Variants in PID1 observed in about 807,000 individuals in gnomAD.
PID1 encodes the protein PTB-containing, cubilin and LRP1-interacting protein.
PID1 carries 10 observed loss-of-function variants against 19.1 expected under a neutral mutation model. The ratio of observed to expected loss-of-function variants is 0.52; its 90% CI spans 0.32 to 0.89. The LOEUF (loss-of-function observed/expected upper bound fraction) is 0.89. PID1 is among the 40% of genes least tolerant of loss of function. PID1 has a pLI of 0.03. For synonymous variants in PID1, 130 were observed against 116.0 expected (o/e 1.12, Z -0.78); for missense variants, 248 against 285.3 (o/e 0.87, Z 0.94).
chr2:229,199,920 CAT>C (rs1559281917), intron 1 of PID1, among the ~76,000 whole-genome samples: 1 of 151,822 alleles, frequency 6.6e-6, no homozygotes, highest in East Asian at 1.9e-4. Flanking sequence ...AAAGTTTCTA[CAT>C]ATATGTGTGT....
intron 1 of PID1, chr2:229,263,041 G>A: frequency 2.7e-6 from 2 of 737,626 alleles, no homozygotes; most frequent in East Asian, 3.5e-5. Flanking sequence ...ATCTTTTAGG[G>A]GAACACAATT....
intron 2 of PID1, among the ~76,000 whole-genome samples, chr2:229,130,638 C>A (rs1246049982): frequency 2.6e-5 from 4 of 152,052 alleles, no homozygotes; most frequent in Non-Finnish European, 5.9e-5. Flanking sequence ...AGTTCTCAAT[C>A]CATGTCTGTT....
rs1574563057 is a variant in PID1 at position 229,025,468 on chromosome 2, A to C, written c.*164T>G. 1.1e-5 allele frequency: 7 copies of C among 632,186 alleles called. No individual in the cohort carries two copies. The East Asian group carries it at 1.8e-4, about 16-fold the overall frequency. 39.2% of individuals were successfully genotyped at this position (632,186 alleles called of 1,614,324 possible). Reference sequence around the variant, plus strand: ...GGTTTCAATGTAACGTAATTACTTTAATGATACATTTCTTTAGATTTAGAA... The same window carrying C: ...GGTTTCAATGTAACGTAATTACTTTCATGATACATTTCTTTAGATTTAGAA... On this transcript the variant is annotated 3_prime_UTR_variant, in exon 3 of 3. Transcript: ENST00000392055.
rs1693360578 is a variant in PID1 at position 229,024,190 on chromosome 2, G to A, written c.*1442C>T. The A allele has an allele frequency of 6.6e-6, 1 of 152,572 alleles. No homozygotes were observed. The highest frequency in any genetic ancestry group is 2.1e-4 in the South Asian group (1 of 4,826). The allele number at this position is 152,572 out of a possible 1,614,324, so 9.5% of individuals were successfully genotyped here. On this transcript the variant is annotated 3_prime_UTR_variant, in exon 3 of 3. Coordinates refer to ENST00000392055, the MANE Select transcript of PID1 (RefSeq NM_001100818.2). Reference sequence around the variant, plus strand: ...ACACAAACGCAGATACGGACACACAGATATGCAGACCGAAATGCTGACACC... The same window carrying A: ...ACACAAACGCAGATACGGACACACAAATATGCAGACCGAAATGCTGACACC...
At position 229,238,752 on chromosome 2, in the gene PID1, A is replaced by G. The variant is rs777202216; in HGVS notation, c.30+32262T>C. On this transcript the variant is annotated intron_variant, in intron 1 of 2. Coordinates refer to ENST00000392055, the MANE Select transcript of PID1 (RefSeq NM_001100818.2). ...GCAGGGATAAGAGGAGACAGGCATT[A>G]CCAGGCATCTCAGAGAGCATTACCA... Among the ~76,000 whole-genome samples the G allele has an allele frequency of 1.0e-3, 154 of 152,104 alleles. 3 individuals are homozygous for G. Among genetic ancestry groups the G allele is most frequent in the Non-Finnish European group, 2.9e-4 (20 of 68,008 alleles).
intron 1 of PID1, among the ~76,000 whole-genome samples, chr2:229,239,978 TC>T (rs1429580363): frequency 1.3e-5 from 2 of 152,182 alleles, no homozygotes; most frequent in African/African-American, 4.8e-5. Context: ...AGTTCTATTT[TC>T]ATCTATATCT....
chr2:229,189,340 G>T (rs1446248197), intron 1 of PID1, among the ~76,000 whole-genome samples: 3 of 152,194 alleles, frequency 2.0e-5, no homozygotes, highest in African/African-American at 7.2e-5. Context: ...AAGTGGCAGA[G>T]AAACACTGTG....
At chr2:229,146,605 G>A (rs1345280) in intron 2 of PID1, among the ~76,000 whole-genome samples, 11,675 of 152,004 alleles carry the variant, frequency 0.077, 574 homozygotes, top group South Asian at 0.22. Flanking sequence ...ACCATCTGTA[G>A]TAGGGTGAAT....
intron 2 of PID1, among the ~76,000 whole-genome samples, chr2:229,045,654 T>C (rs1412350703): frequency 2.0e-5 from 3 of 152,260 alleles, no homozygotes; most frequent in Non-Finnish European, 4.4e-5. Flanking sequence ...GCATGGGCTA[T>C]ACAACAAAAC....
intron 2 of PID1, among the ~76,000 whole-genome samples, chr2:229,102,648 G>A (rs1695096700): frequency 6.6e-6 from 1 of 152,196 alleles, no homozygotes; most frequent in Non-Finnish European, 1.5e-5. Context: ...ATCACAGAGT[G>A]AGGGCTCATT....
chr2:229,091,840 C>T (rs987105229), intron 2 of PID1, among the ~76,000 whole-genome samples: 5 of 152,162 alleles, frequency 3.3e-5, no homozygotes, highest in African/African-American at 9.7e-5. Context: ...ACCCTTTGGC[C>T]AGAATATCTT....
Position 229,155,817 on chromosome 2 carries a change from C to T in PID1, c.177+1G>A. ...ACCCCTGCTGGCCACGTGCCCCATA[C>T]CTTGCAGCCACTGTGAGTCCTTGTC... On this transcript the variant is annotated splice_donor_variant, in intron 2 of 2. Transcript: ENST00000392055. LOFTEE classifies it high-confidence loss of function. The T allele has an allele frequency of 6.2e-7, 1 of 1,610,592 alleles. No homozygotes were observed. Among genetic ancestry groups the T allele is most frequent in the Non-Finnish European group, 8.5e-7 (1 of 1,178,308 alleles).
chr2:229,235,245 T>A (rs898194393), intron 1 of PID1, among the ~76,000 whole-genome samples: 1 of 152,138 alleles, frequency 6.6e-6, no homozygotes, highest in Non-Finnish European at 1.5e-5. Context: ...AAAGGAAAAG[T>A]AAGGCAGATT....
intron 1 of PID1, among the ~76,000 whole-genome samples, chr2:229,189,063 A>T (rs894861946): frequency 6.6e-6 from 1 of 152,216 alleles, no homozygotes; most frequent in South Asian, 2.1e-4. Context: ...TCATGAGAAG[A>T]ACTCGTGAAG....
At chr2:229,246,594 A>G (rs938930434) in intron 1 of PID1, among the ~76,000 whole-genome samples, 1 of 152,184 alleles carries the variant, frequency 6.6e-6, no homozygotes, top group African/African-American at 2.4e-5. Context: ...GGCAATAAAT[A>G]GTTGCAGAGG....
intron 1 of PID1, among the ~76,000 whole-genome samples, chr2:229,261,970 T>A (rs528700450): frequency 2.6e-5 from 4 of 151,960 alleles, no homozygotes; most frequent in African/African-American, 7.2e-5. Context: ...TATACAGTTA[T>A]CAAGTAAAAA....
intron 2 of PID1, among the ~76,000 whole-genome samples, chr2:229,141,192 T>C (rs1489267144): frequency 6.6e-6 from 1 of 152,076 alleles, no homozygotes; most frequent in African/African-American, 2.4e-5. Flanking sequence ...CATAAAACTT[T>C]CTTTTTTAAT....
intron 1 of PID1, among the ~76,000 whole-genome samples, chr2:229,202,708 T>C (rs909782102): frequency 6.6e-6 from 1 of 152,092 alleles, no homozygotes; most frequent in Non-Finnish European, 1.5e-5. Context: ...ACTGACAAAG[T>C]ACATAAAATG....
chr2:229,094,990 C>T (rs1275249224), intron 2 of PID1, among the ~76,000 whole-genome samples: 2 of 152,154 alleles, frequency 1.3e-5, no homozygotes, highest in Non-Finnish European at 1.5e-5. Context: ...ACTCTAATAA[C>T]AGATAGCGTG....
Sources: allele counts gnomAD v4.1 joint callset (sites outside exome capture counted in the v4.1 genomes callset), GRCh38; gene constraint gnomAD v4.1.1; transcripts MANE v1.5; gene names NCBI Gene and HGNC (gene_info 2026-07-23, HGNC 2026-07-21).